Variants in PCMTD1 observed in about 807,000 individuals in gnomAD.
PCMTD1 encodes protein-L-isoaspartate O-methyltransferase domain-containing protein 1.
Under a neutral mutation model 37.6 loss-of-function variants are expected in PCMTD1, and 12 were observed. The ratio of observed to expected loss-of-function variants is 0.32; its 90% CI spans 0.20 to 0.52. The LOEUF is 0.52. Among genes scored for constraint, PCMTD1 ranks in the 20% least tolerant of loss-of-function variants. The pLI, the probability that PCMTD1 is intolerant of heterozygous loss-of-function variation, is 0.97. For synonymous variants in PCMTD1, 117 were observed against 135.8 expected (o/e 0.86, Z 0.96); for missense variants, 235 against 421.3 (o/e 0.56, Z 3.87).
chr8:51,877,178 G>A (rs190704428), intron 1 of PCMTD1, among the ~76,000 whole-genome samples: 5 of 152,222 alleles, frequency 3.3e-5, no homozygotes, highest in African/African-American at 7.2e-5. Context: ...TACACTCGCC[G>A]GCAGTTTTGC....
In PCMTD1 at chr8:51,823,448, G is replaced by C. The variant is rs569820740; in HGVS notation, c.707-2730C>G. On this transcript the variant is annotated intron_variant, in intron 5 of 5. Coordinates refer to ENST00000522514, the MANE Select transcript of PCMTD1 (RefSeq NM_052937.4). ...CCACTGCACTCCAGCCTGGGCAATA[G>C]AGTGAGACCCTGTCTCAAACAATTA... is the stretch of plus-strand genomic sequence containing the variant. 4.6e-5 allele frequency among the ~76,000 whole-genome samples: 7 copies of C among 152,306 alleles called. No individual in the cohort carries two copies. The South Asian group carries it at 6.2e-4, about 14-fold the overall frequency.
intron 1 of PCMTD1, among the ~76,000 whole-genome samples, chr8:51,888,372 T>A (rs888770040): frequency 1.2e-4 from 18 of 152,114 alleles, no homozygotes; most frequent in Non-Finnish European, 4.4e-5. Context: ...TTCAGGTAAA[T>A]GACTTTTGTG....
At chr8:51,898,116 G>A (rs2039034989) in intron 1 of PCMTD1, among the ~76,000 whole-genome samples, 1 of 151,894 alleles carries the variant, frequency 6.6e-6, no homozygotes, top group African/African-American at 2.4e-5. Flanking sequence ...AAATAAATAG[G>A]GGAAAAACAC....
chr8:51,831,435 G>C lies in PCMTD1; in HGVS notation c.706+9C>G. On this transcript the variant is annotated intron_variant, in intron 5 of 5. Transcript: ENST00000522514. ...ATAATTCAATCAGAAAATATGAAGA[G>C]CTACTTACGGAGTCCCACAGAATCT... 6.2e-7 allele frequency: 1 copy of C among 1,611,094 alleles called. No individual in the cohort carries two copies. Among genetic ancestry groups the C allele is most frequent in the Non-Finnish European group, 8.5e-7 (1 of 1,178,890 alleles).
At chr8:51,891,313 G>T (rs2038932226) in intron 1 of PCMTD1, among the ~76,000 whole-genome samples, 1 of 152,156 alleles carries the variant, frequency 6.6e-6, no homozygotes, top group South Asian at 2.1e-4. Context: ...ACTTTGGGAG[G>T]ACAAGGCAGG....
intron 1 of PCMTD1, among the ~76,000 whole-genome samples, chr8:51,886,192 T>C (rs2038862334): frequency 6.6e-6 from 1 of 152,214 alleles, no homozygotes; most frequent in African/African-American, 2.4e-5. Flanking sequence ...AGAACAGCTA[T>C]TTTTCCTTTC....
At chr8:51,871,873 C>G (rs528016367) in intron 1 of PCMTD1, among the ~76,000 whole-genome samples, 1 of 152,300 alleles carries the variant, frequency 6.6e-6, no homozygotes, top group South Asian at 2.1e-4. Flanking sequence ...CCCTCCAATT[C>G]AATACTACAT....
In PCMTD1 at chr8:51,820,341, T is replaced by C; in HGVS notation, c.*10A>G. On this transcript the variant is annotated 3_prime_UTR_variant, in exon 6 of 6. Coordinates refer to ENST00000522514, the MANE Select transcript of PCMTD1 (RefSeq NM_052937.4). ...GAATTATCAGTAGGCATTTTTCTTC[T>C]TGATCTAAGTTATTTGTCTCTAAAA... The C allele has an allele frequency of 6.5e-7, 1 of 1,537,958 alleles. No homozygotes were observed. Among genetic ancestry groups the C allele is most frequent in the Non-Finnish European group, 8.7e-7 (1 of 1,148,970 alleles).
chr8:51,867,334 T>G (rs999273306), intron 1 of PCMTD1, among the ~76,000 whole-genome samples: 3 of 152,148 alleles, frequency 2.0e-5, no homozygotes, highest in East Asian at 1.9e-4. Flanking sequence ...GTAATCCCAC[T>G]TCTGAGTCTA....
intron 1 of PCMTD1, chr8:51,870,270 G>T (rs10095651): frequency 1.3e-5 from 2 of 152,092 alleles, no homozygotes; most frequent in African/African-American, 4.8e-5. Flanking sequence ...GGAAAACACA[G>T]TATGTTTGAA....
intron 1 of PCMTD1, among the ~76,000 whole-genome samples, chr8:51,894,862 G>A (rs995858175): frequency 1.3e-5 from 2 of 151,936 alleles, no homozygotes; most frequent in South Asian, 4.1e-4. Context: ...GAGTCTAGAT[G>A]ACTAAGAAAA....
At chr8:51,884,390 C>T (rs938670451) in intron 1 of PCMTD1, among the ~76,000 whole-genome samples, 1 of 152,160 alleles carries the variant, frequency 6.6e-6, no homozygotes, top group Non-Finnish European at 1.5e-5. Context: ...AGGAATTGGC[C>T]TCTAAGTCAA....
chr8:51,859,099 G>A (rs996695695), intron 2 of PCMTD1, among the ~76,000 whole-genome samples: 6 of 152,238 alleles, frequency 3.9e-5, no homozygotes, highest in Admixed American at 3.3e-4. Context: ...CCCTCAGCAC[G>A]AGCCAGTTGG....
chr8:51,871,821 A>G (rs2038643565), intron 1 of PCMTD1, among the ~76,000 whole-genome samples: 1 of 152,162 alleles, frequency 6.6e-6, no homozygotes. Flanking sequence ...CATGAAGTAT[A>G]TGTTTTCTTC....
chr8:51,869,653 T>C (rs116446649), intron 1 of PCMTD1, among the ~76,000 whole-genome samples: 158 of 152,004 alleles, frequency 1.0e-3, no homozygotes, highest in African/African-American at 3.6e-3. Flanking sequence ...AGTCCTGCAC[T>C]GAACAATAAA....
intron 1 of PCMTD1, among the ~76,000 whole-genome samples, chr8:51,883,882 C>G (rs1322614398): frequency 2.0e-5 from 3 of 152,154 alleles, no homozygotes; most frequent in Non-Finnish European, 4.4e-5. Flanking sequence ...CATAAATATT[C>G]CCGTGCAAAT....
At chr8:51,854,161 G>GA (rs1168195996) in intron 2 of PCMTD1, among the ~76,000 whole-genome samples, 1 of 152,224 alleles carries the variant, frequency 6.6e-6, no homozygotes, top group Non-Finnish European at 1.5e-5. Flanking sequence ...AGAATAGTGT[G>GA]AAAAAATATA....
intron 5 of PCMTD1, among the ~76,000 whole-genome samples, chr8:51,823,141 T>C (rs1423464575): frequency 6.6e-6 from 1 of 152,164 alleles, no homozygotes; most frequent in East Asian, 1.9e-4. Context: ...TCAGGACTCC[T>C]AAAGTAGCAT....
chr8:51,889,562 T>TA (rs766685979), intron 1 of PCMTD1, among the ~76,000 whole-genome samples: 1 of 152,232 alleles, frequency 6.6e-6, no homozygotes, highest in African/African-American at 2.4e-5. Context: ...CATCATTTTA[T>TA]AGAAAATAAA....
Sources: allele counts gnomAD v4.1 joint callset (sites outside exome capture counted in the v4.1 genomes callset), GRCh38; gene constraint gnomAD v4.1.1; transcripts MANE v1.5; gene names NCBI Gene and HGNC (gene_info 2026-07-23, HGNC 2026-07-21).